STAG1: variants seen among roughly 807,000 people sequenced by gnomAD.
The protein encoded by STAG1 is STAG1 cohesin complex component.
Under a neutral mutation model 170.9 loss-of-function variants are expected in STAG1, and 26 were observed. The observed-to-expected ratio is 0.15, with a 90% CI of 0.11 to 0.21. STAG1 has a LOEUF of 0.21. Ranked by LOEUF, STAG1 falls within the 10% of genes least tolerant of loss-of-function variation. STAG1 has a pLI of 1.00. For missense variants in STAG1, 964 were observed against 1,509.5 expected (o/e 0.64, Z 5.99); for synonymous variants, 514 against 497.7 (o/e 1.03, Z -0.44).
At chr3:136,586,183 A>G (rs1937809251) in intron 4 of STAG1, among the ~76,000 whole-genome samples, 1 of 152,090 alleles carries the variant, frequency 6.6e-6, no homozygotes, top group Admixed American at 6.6e-5. Context: ...TAAATACATA[A>G]AGTCCATTTT....
At chr3:136,593,803 A>G (rs1030847845) in intron 4 of STAG1, among the ~76,000 whole-genome samples, 1 of 152,196 alleles carries the variant, frequency 6.6e-6, no homozygotes, top group East Asian at 1.9e-4. Context: ...TTCTTGTATT[A>G]TACACTCAAG....
At chr3:136,518,061 T>A (rs928546063) in intron 7 of STAG1, 3 of 234,958 alleles carry the variant, frequency 1.3e-5, no homozygotes, top group Non-Finnish European at 1.6e-5. Context: ...AAAAAAACTT[T>A]TAATAAAAAT....
At chr3:136,473,397 T>C in intron 11 of STAG1, 142 bp downstream of exon 11, 2 of 589,830 alleles carry the variant, frequency 3.4e-6, no homozygotes, top group Non-Finnish European at 5.7e-6. Context: ...ATGAAACTGG[T>C]CCCTGGTGCC....
chr3:136,397,259 A>AT (rs2087190936), intron 22 of STAG1, among the ~76,000 whole-genome samples: 1 of 152,140 alleles, frequency 6.6e-6, no homozygotes, highest in Non-Finnish European at 1.5e-5. Context: ...AATGTGAAGT[A>AT]TTTTTTGTCT....
intron 1 of STAG1, among the ~76,000 whole-genome samples, chr3:136,664,714 G>A (rs1266431842): frequency 6.6e-6 from 1 of 151,908 alleles, no homozygotes; most frequent in Non-Finnish European, 1.5e-5. Flanking sequence ...TTTGAGAAAC[G>A]CATGCCTTTG....
At chr3:136,426,046 CA>C (rs1017230789) in intron 16 of STAG1, among the ~76,000 whole-genome samples, 5 of 150,014 alleles carry the variant, frequency 3.3e-5, no homozygotes, top group African/African-American at 1.2e-4. Context: ...CTACATGGTT[CA>C]TTTATATGCA....
rs1553753147 is a variant in STAG1 at position 136,604,486 on chromosome 3, T to A, written c.133-13A>T. ...TCTTATTTGTAGACTGAAAAAAAGATAAAAAAAGATTCCATTCGATTAGGT... is the reference window on the plus strand; with the variant it reads ...TCTTATTTGTAGACTGAAAAAAAGAAAAAAAAAGATTCCATTCGATTAGGT... On this transcript the variant is annotated splice_polypyrimidine_tract_variant and intron_variant, in intron 3 of 33. Coordinates refer to ENST00000383202, the MANE Select transcript of STAG1 (RefSeq NM_005862.3). The A allele has an allele frequency of 1.3e-6, 2 of 1,583,440 alleles. No homozygotes were observed. Among genetic ancestry groups the A allele is most frequent in the Admixed American group, 1.9e-5 (1 of 51,308 alleles).
chr3:136,403,224 TAAAAAAAA>T (rs55678408), intron 21 of STAG1, among the ~76,000 whole-genome samples: 78 of 33,606 alleles, frequency 2.3e-3, no homozygotes, highest in East Asian at 3.4e-3. Context: ...GAGACTGTCT[TAAAAAAAA>T]AAAAAAAAAA....
intron 9 of STAG1, among the ~76,000 whole-genome samples, chr3:136,497,365 T>C (rs140001181): frequency 6.6e-6 from 1 of 152,268 alleles, no homozygotes; most frequent in East Asian, 1.9e-4. Flanking sequence ...TACAACCATA[T>C]ATAGATAAAA....
chr3:136,393,666 T>A (rs1292563923), intron 22 of STAG1, among the ~76,000 whole-genome samples: 2 of 149,070 alleles, frequency 1.3e-5, no homozygotes, highest in African/African-American at 2.5e-5. Context: ...TAATCTTAGG[T>A]CACTGCAATC....
At chr3:136,354,364 C>T (rs1248628404) in intron 28 of STAG1, among the ~76,000 whole-genome samples, 26 of 152,172 alleles carry the variant, frequency 1.7e-4, no homozygotes, top group Admixed American at 1.7e-3. Flanking sequence ...ACGATATTGG[C>T]TTACTGCGAC....
chr3:136,346,528 C>T (rs956781295), intron 29 of STAG1, among the ~76,000 whole-genome samples: 5 of 152,266 alleles, frequency 3.3e-5, no homozygotes, highest in African/African-American at 1.2e-4. Context: ...TGGTTCCACA[C>T]AAGCTTCTCT....
chr3:136,636,248 CAAAAAAAAAAAA>C (rs1940552365), intron 1 of STAG1, among the ~76,000 whole-genome samples: 1 of 133,116 alleles, frequency 7.5e-6, no homozygotes, highest in South Asian at 2.4e-4. Flanking sequence ...AACTCTGTCT[CAAAAAAAAAAAA>C]GAAAGAAAAG....
chr3:136,564,963 G>GACGA lies in STAG1; in HGVS notation c.394+3801_394+3802insTCGT. Among the ~76,000 whole-genome samples the GACGA allele has an allele frequency of 7.9e-5, 3 of 37,750 alleles. No homozygotes were observed. The East Asian group carries it at 2.4e-3, about 30-fold the overall frequency. 24.8% of individuals were successfully genotyped at this position (37,750 alleles called of 152,430 possible). A position where few individuals can be genotyped will look rare whatever the true frequency, so the allele number is the denominator to read the frequency against. On this transcript the variant is annotated intron_variant, in intron 5 of 33. Coordinates refer to ENST00000383202, the MANE Select transcript of STAG1 (RefSeq NM_005862.3). Reference sequence around the variant, plus strand: ...GGATCCTTAAATTTGACATGTGTATGAGGAAGGAAGGAAGGAAGGAAGGAA... The same window carrying GACGA: ...GGATCCTTAAATTTGACATGTGTATGACGAAGGAAGGAAGGAAGGAAGGAAGGAA...
At chr3:136,463,735 A>ATGTGTGTGCG (rs1553725773) in intron 13 of STAG1, among the ~76,000 whole-genome samples, 4 of 101,204 alleles carry the variant, frequency 4.0e-5, no homozygotes, top group East Asian at 6.7e-4. Flanking sequence ...AAATGTGTAT[A>ATGTGTGTGCG]TGTGTGTGTG....
chr3:136,668,469 A>T (rs569136034), intron 1 of STAG1, among the ~76,000 whole-genome samples: 92 of 149,060 alleles, frequency 6.2e-4, no homozygotes, highest in African/African-American at 2.2e-3. Flanking sequence ...ATAAAAAAAT[A>T]AAGTAGGCCC....
At chr3:136,710,490 A>AT (rs1040950369) in intron 1 of STAG1, among the ~76,000 whole-genome samples, 14 of 152,188 alleles carry the variant, frequency 9.2e-5, no homozygotes, top group Admixed American at 7.9e-4. Flanking sequence ...ACTATGCAGT[A>AT]TTAAGCCTAC....
intron 4 of STAG1, among the ~76,000 whole-genome samples, chr3:136,575,226 G>A (rs1203900835): frequency 6.6e-6 from 1 of 152,072 alleles, no homozygotes; most frequent in Non-Finnish European, 1.5e-5. Flanking sequence ...TTGGTAGTGG[G>A]TTTTTCTTTT....
At chr3:136,464,094 A>T (rs986797349) in intron 13 of STAG1, among the ~76,000 whole-genome samples, 1 of 151,946 alleles carries the variant, frequency 6.6e-6, no homozygotes, top group African/African-American at 2.4e-5. Flanking sequence ...TATATATATA[A>T]AACTTTCAGA....
Sources: gnomAD v4.1 joint callset for allele counts (sites outside exome capture counted in the v4.1 genomes callset) on GRCh38, gnomAD v4.1.1 for gene constraint, MANE v1.5 for transcripts, NCBI Gene and HGNC (gene_info 2026-07-23, HGNC 2026-07-21) for gene names.